DEPDC1B: variants seen among roughly 807,000 people sequenced by gnomAD.
The protein encoded by DEPDC1B is DEP domain-containing protein 1B.
Under a neutral mutation model 66.5 loss-of-function variants are expected in DEPDC1B, and 51 were observed. The ratio of observed to expected loss-of-function variants is 0.77; its 90% CI spans 0.61 to 0.97. DEPDC1B has a LOEUF of 0.97. Among genes scored for constraint, DEPDC1B ranks in the 50% least tolerant of loss-of-function variants. The pLI is 0.00. For synonymous variants in DEPDC1B, 226 were observed against 223.6 expected (o/e 1.01, Z -0.10); for missense variants, 552 against 637.1 (o/e 0.87, Z 1.44).
intron 1 of DEPDC1B, among the ~76,000 whole-genome samples, chr5:60,692,678 A>T (rs757611163): frequency 6.6e-5 from 10 of 152,126 alleles, no homozygotes; most frequent in Non-Finnish European, 1.2e-4. Context: ...CTAAGCATAT[A>T]CCCAACAGAA....
At chr5:60,639,212 A>G (rs1370615059) in intron 6 of DEPDC1B, among the ~76,000 whole-genome samples, 15 of 152,232 alleles carry the variant, frequency 9.9e-5, no homozygotes, top group Non-Finnish European at 1.5e-5. Flanking sequence ...AGGCATTTTT[A>G]TTAAATGTAA....
At chr5:60,611,496 A>G (rs1270899184) in intron 7 of DEPDC1B, among the ~76,000 whole-genome samples, 1 of 152,264 alleles carries the variant, frequency 6.6e-6, no homozygotes, top group Non-Finnish European at 1.5e-5. Context: ...AAAAGCTGAG[A>G]GAAGTCACAA....
intron 7 of DEPDC1B, among the ~76,000 whole-genome samples, chr5:60,634,646 T>C (rs1193735245): frequency 6.6e-6 from 1 of 151,040 alleles, no homozygotes; most frequent in Admixed American, 6.6e-5. Flanking sequence ...CACTCCAGCC[T>C]GGGCAACACA....
chr5:60,639,383 T>C (rs1753134736), intron 6 of DEPDC1B, among the ~76,000 whole-genome samples: 1 of 152,230 alleles, frequency 6.6e-6, no homozygotes, highest in Non-Finnish European at 1.5e-5. Context: ...GTCATAGAGT[T>C]GAGCAAAATA....
chr5:60,651,706 A>C (rs1482169645), intron 2 of DEPDC1B, among the ~76,000 whole-genome samples: 1 of 152,144 alleles, frequency 6.6e-6, no homozygotes, highest in Non-Finnish European at 1.5e-5. Flanking sequence ...GGACTTCTTA[A>C]TAGAGGTTGA....
At chr5:60,659,448 G>T (rs1049730279) in intron 2 of DEPDC1B, among the ~76,000 whole-genome samples, 2 of 152,160 alleles carry the variant, frequency 1.3e-5, no homozygotes, top group African/African-American at 4.8e-5. Context: ...CAGGTGTGAG[G>T]CTATCTAGGG....
At chr5:60,668,434 C>G (rs1753954545) in intron 2 of DEPDC1B, among the ~76,000 whole-genome samples, 2 of 151,322 alleles carry the variant, frequency 1.3e-5, no homozygotes, top group Admixed American at 1.3e-4. Flanking sequence ...TCCACCACGC[C>G]TGGCTAATTT....
intron 7 of DEPDC1B, among the ~76,000 whole-genome samples, chr5:60,618,040 T>G (rs1485074201): frequency 2.6e-5 from 4 of 152,214 alleles, no homozygotes; most frequent in African/African-American, 9.7e-5. Context: ...AAATGACTAC[T>G]GGGTACATAA....
chr5:60,614,382 T>C (rs996650010), intron 7 of DEPDC1B, among the ~76,000 whole-genome samples: 9 of 152,220 alleles, frequency 5.9e-5, no homozygotes, highest in Admixed American at 4.6e-4. Flanking sequence ...TTTGTTTTGT[T>C]TAAGAGACAG....
At chr5:60,650,157 C>T (rs913801604) in intron 2 of DEPDC1B, among the ~76,000 whole-genome samples, 5 of 137,920 alleles carry the variant, frequency 3.6e-5, no homozygotes, top group Admixed American at 1.6e-4. Context: ...TCAAGACCAG[C>T]CTGGGCAATA....
intron 2 of DEPDC1B, among the ~76,000 whole-genome samples, chr5:60,648,582 T>G (rs539647589): frequency 8.5e-5 from 13 of 152,332 alleles, no homozygotes; most frequent in Non-Finnish European, 1.6e-4. Context: ...ATTTCTCATC[T>G]TCAAATAGAG....
chr5:60,631,847 C>T (rs1752932347), intron 7 of DEPDC1B, among the ~76,000 whole-genome samples: 2 of 152,198 alleles, frequency 1.3e-5, no homozygotes, highest in Admixed American at 6.5e-5. Context: ...ATCCACAGAA[C>T]AGAAAACTGG....
rs551328623 is a variant in DEPDC1B at position 60,634,394 on chromosome 5, C to G, written c.898+4356G>C. On this transcript the variant is annotated intron_variant, in intron 7 of 10. Coordinates refer to ENST00000265036, the MANE Select transcript of DEPDC1B (RefSeq NM_018369.3). ...TCTTAAAAAATAAAAACAAATAGGC[C>G]GGGCACAGTGGCTCATGCCTGTAAT... Among the ~76,000 whole-genome samples, 4 of 152,090 alleles carry G rather than the reference C, an allele frequency of 2.6e-5. No homozygotes were observed. The South Asian group carries it at 8.3e-4, about 32-fold the overall frequency.
intron 7 of DEPDC1B, among the ~76,000 whole-genome samples, chr5:60,611,923 A>C (rs1450736792): frequency 6.6e-6 from 1 of 152,240 alleles, no homozygotes; most frequent in African/African-American, 2.4e-5. Flanking sequence ...TACATTAAAC[A>C]ACAGATTTCC....
Position 60,699,450 on chromosome 5 carries a change from A to AAAAAAAAAAAAAAAAAC in DEPDC1B, c.48+595_48+596insGTTTTTTTTTTTTTTTT, listed in dbSNP as rs1561398819. On this transcript the variant is annotated intron_variant, in intron 1 of 10. Transcript: ENST00000265036. ...ACCAAAGCTTTTCTCCCAGAAAAAA[A>AAAAAAAAAAAAAAAAAC]AAAAAAAAAAAACAGGAACTCAGAG... is the stretch of plus-strand genomic sequence containing the variant. Among the ~76,000 whole-genome samples, 5 of 150,548 alleles carry AAAAAAAAAAAAAAAAAC rather than the reference A, an allele frequency of 3.3e-5. 1 individual carries two copies. Among genetic ancestry groups the AAAAAAAAAAAAAAAAAC allele is most frequent in the South Asian group, 4.2e-4 (2 of 4,814 alleles).
At chr5:60,694,113 A>C (rs1754605426) in intron 1 of DEPDC1B, among the ~76,000 whole-genome samples, 1 of 152,174 alleles carries the variant, frequency 6.6e-6, no homozygotes, top group South Asian at 2.1e-4. Context: ...ATACAGAAGT[A>C]TACACAAAAG....
chr5:60,697,585 T>C (rs1754685756), intron 1 of DEPDC1B, among the ~76,000 whole-genome samples: 1 of 152,154 alleles, frequency 6.6e-6, no homozygotes, highest in Admixed American at 6.5e-5. Flanking sequence ...TTACAGACTT[T>C]ACAATGGAAA....
chr5:60,610,930 T>C (rs1242548608), intron 7 of DEPDC1B, among the ~76,000 whole-genome samples: 2 of 152,256 alleles, frequency 1.3e-5, no homozygotes, highest in Non-Finnish European at 2.9e-5. Context: ...AGTTGGCTCC[T>C]TGTTATAGAT....
At chr5:60,682,856 C>A (rs1039618377) in intron 2 of DEPDC1B, among the ~76,000 whole-genome samples, 1 of 152,130 alleles carries the variant, frequency 6.6e-6, no homozygotes, top group Non-Finnish European at 1.5e-5. Context: ...AATTCTACCA[C>A]ACCTTTGAAG....
Sources: gnomAD v4.1 joint callset for allele counts (sites outside exome capture counted in the v4.1 genomes callset) on GRCh38, gnomAD v4.1.1 for gene constraint, MANE v1.5 for transcripts, NCBI Gene and HGNC (gene_info 2026-07-23, HGNC 2026-07-21) for gene names.